Variants in MYO1D observed in about 807,000 individuals in gnomAD.
MYO1D encodes the protein unconventional myosin-Id.
In MYO1D, 83 loss-of-function variants were observed where a neutral mutation model predicts 122.0. The ratio of observed to expected loss-of-function variants is 0.68; its 90% CI spans 0.57 to 0.82. The LOEUF (loss-of-function observed/expected upper bound fraction) is 0.82, where lower values mean the gene tolerates loss of function less well. MYO1D is among the 40% of genes least tolerant of loss of function. MYO1D has a pLI of 0.00. For synonymous variants in MYO1D, 464 were observed against 446.9 expected (o/e 1.04, Z -0.48); for missense variants, 1,157 against 1,269.5 (o/e 0.91, Z 1.35).
intron 21 of MYO1D, among the ~76,000 whole-genome samples, chr17:32,559,170 T>C (rs1405981874): frequency 2.0e-5 from 3 of 152,236 alleles, no homozygotes; most frequent in African/African-American, 7.2e-5. Context: ...ACTTTACTTG[T>C]TGGGGCATGT....
intron 21 of MYO1D, among the ~76,000 whole-genome samples, chr17:32,601,636 C>T (rs1458904570): frequency 6.6e-6 from 1 of 152,148 alleles, no homozygotes; most frequent in African/African-American, 2.4e-5. Flanking sequence ...AGGCATTGAC[C>T]TTCTCCTCTC....
At chr17:32,639,306 A>G (rs1195268497) in intron 19 of MYO1D, among the ~76,000 whole-genome samples, 1 of 152,022 alleles carries the variant, frequency 6.6e-6, no homozygotes, top group East Asian at 1.9e-4. Context: ...ATAAGTAAAA[A>G]TAATTTCATA....
At chr17:32,660,091 T>C (rs1389797204) in intron 16 of MYO1D, among the ~76,000 whole-genome samples, 1 of 152,192 alleles carries the variant, frequency 6.6e-6, no homozygotes, top group Non-Finnish European at 1.5e-5. Context: ...GCTCTTCCCC[T>C]GTATATCCTC....
intron 21 of MYO1D, among the ~76,000 whole-genome samples, chr17:32,534,292 G>A (rs1910594623): frequency 6.6e-6 from 1 of 152,028 alleles, no homozygotes; most frequent in Non-Finnish European, 1.5e-5. Flanking sequence ...TCATCCTCCT[G>A]AGTATCTGGA....
intron 19 of MYO1D, among the ~76,000 whole-genome samples, chr17:32,641,844 T>A (rs1229704802): frequency 2.0e-5 from 3 of 152,206 alleles, no homozygotes; most frequent in Non-Finnish European, 2.9e-5. Flanking sequence ...CTTTGTCAGA[T>A]GAGTAGATTG....
chr17:32,626,934 T>C (rs1043583034), intron 20 of MYO1D, among the ~76,000 whole-genome samples: 2 of 152,214 alleles, frequency 1.3e-5, no homozygotes, highest in African/African-American at 4.8e-5. Flanking sequence ...GAATGTTTCA[T>C]TGCCAAAGCC....
At chr17:32,851,049 T>C (rs547235648) in intron 1 of MYO1D, among the ~76,000 whole-genome samples, 4 of 152,190 alleles carry the variant, frequency 2.6e-5, no homozygotes, top group Non-Finnish European at 5.9e-5. Flanking sequence ...TTGGAAACTC[T>C]ATAAATCCAT....
At chr17:32,833,432 C>A (rs147929716) in intron 1 of MYO1D, among the ~76,000 whole-genome samples, 2 of 152,344 alleles carry the variant, frequency 1.3e-5, no homozygotes, top group Non-Finnish European at 2.9e-5. Context: ...ACTATCACCT[C>A]TCCCACCTGA....
intron 20 of MYO1D, among the ~76,000 whole-genome samples, chr17:32,624,360 G>A (rs1175356420): frequency 2.0e-5 from 3 of 151,802 alleles, no homozygotes; most frequent in Non-Finnish European, 4.4e-5. Context: ...CCGGCCTGGG[G>A]AGCTTTAATG....
At chr17:32,622,576 A>C (rs748934650) in intron 20 of MYO1D, among the ~76,000 whole-genome samples, 3 of 152,180 alleles carry the variant, frequency 2.0e-5, no homozygotes, top group African/African-American at 2.4e-5. Context: ...CAAGCCTTTT[A>C]AAGTTATATT....
At chr17:32,500,382 T>C (rs1161582727) in intron 21 of MYO1D, among the ~76,000 whole-genome samples, 1 of 152,190 alleles carries the variant, frequency 6.6e-6, no homozygotes, top group Non-Finnish European at 1.5e-5. Context: ...AAACACAAAG[T>C]GGCCAGATAC....
At chr17:32,520,166 C>A (rs1910081596) in intron 21 of MYO1D, among the ~76,000 whole-genome samples, 1 of 152,230 alleles carries the variant, frequency 6.6e-6, no homozygotes, top group Admixed American at 6.5e-5. Context: ...TATTTCAGCA[C>A]GAACAGGGAA....
intron 1 of MYO1D, among the ~76,000 whole-genome samples, chr17:32,850,561 C>T (rs2090977266): frequency 6.6e-6 from 1 of 152,052 alleles, no homozygotes; most frequent in South Asian, 2.1e-4. Context: ...CTCTATTTAC[C>T]TCTCTTTCAT....
chr17:32,822,075 A>G (rs1028334766), intron 1 of MYO1D, among the ~76,000 whole-genome samples: 3 of 152,182 alleles, frequency 2.0e-5, no homozygotes, highest in Admixed American at 6.5e-5. Flanking sequence ...ACATGCACAC[A>G]TATGTTTATT....
intron 1 of MYO1D, among the ~76,000 whole-genome samples, chr17:32,871,473 C>T (rs2091179868): frequency 6.6e-6 from 1 of 152,164 alleles, no homozygotes; most frequent in Non-Finnish European, 1.5e-5. Context: ...CTTTGGCATG[C>T]ACAGTGCTTC....
Position 32,765,041 on chromosome 17 carries a change from A to G in MYO1D, c.872T>C (p.Ile291Thr), listed in dbSNP as rs771176772. ...KFVVDGDTPL[I>T]ENGKVVSIIA... Reference sequence around the variant, plus strand: ...GATAGATACTACTTTGCCATTCTCAATAAGAGGCGTGTCACCATCTACTAC... The same window carrying G: ...GATAGATACTACTTTGCCATTCTCAGTAAGAGGCGTGTCACCATCTACTAC... Residue 291 changes from isoleucine (I) to threonine (T), a missense_variant, in exon 8 of 22, where the codon ATT (isoleucine) becomes ACT (threonine). Physicochemically the swap from Ile to Thr is moderately conservative, Grantham distance 89. Transcript: ENST00000318217. The G allele has an allele frequency of 5.6e-6, 9 of 1,613,858 alleles. No individual in the cohort carries two copies. The highest frequency in any genetic ancestry group is 5.0e-5 in the Admixed American group (3 of 60,012).
intron 16 of MYO1D, among the ~76,000 whole-genome samples, chr17:32,704,790 A>G (rs958883068): frequency 6.6e-6 from 1 of 152,196 alleles, no homozygotes; most frequent in Non-Finnish European, 1.5e-5. Flanking sequence ...GAGGAATCCT[A>G]TGAAGGACTA....
chr17:32,537,668 T>C (rs1910702976), intron 21 of MYO1D, among the ~76,000 whole-genome samples: 1 of 152,186 alleles, frequency 6.6e-6, no homozygotes, highest in African/African-American at 2.4e-5. Flanking sequence ...CTGAGGGTTG[T>C]CCATTAGCAT....
At chr17:32,495,118 G>A (rs759108524) in intron 21 of MYO1D, among the ~76,000 whole-genome samples, 1 of 152,236 alleles carries the variant, frequency 6.6e-6, no homozygotes, top group Non-Finnish European at 1.5e-5. Context: ...TCGGCACCAT[G>A]GCAGGGCCCT....
Sources: gnomAD v4.1 joint callset for allele counts (sites outside exome capture counted in the v4.1 genomes callset) on GRCh38, gnomAD v4.1.1 for gene constraint, MANE v1.5 for transcripts, NCBI Gene and HGNC (gene_info 2026-07-23, HGNC 2026-07-21) for gene names.